CERS6: variants seen among roughly 807,000 people sequenced by gnomAD.
The protein encoded by CERS6 is LAG1 homolog, ceramide synthase 6.
In CERS6, 26 loss-of-function variants were observed where a neutral mutation model predicts 56.8. The ratio of observed to expected loss-of-function variants is 0.46; its 90% CI spans 0.34 to 0.63. The LOEUF (loss-of-function observed/expected upper bound fraction) is 0.63, where lower values mean the gene tolerates loss of function less well. Ranked by LOEUF, CERS6 falls within the 30% of genes least tolerant of loss-of-function variation. The pLI, the probability that CERS6 is intolerant of heterozygous loss-of-function variation, is 0.01. For missense variants in CERS6, 415 were observed against 467.5 expected (o/e 0.89, Z 1.04); for synonymous variants, 164 against 173.3 (o/e 0.95, Z 0.42).
chr2:168,495,400 C>G (rs1036768253), intron 1 of CERS6, among the ~76,000 whole-genome samples: 2 of 152,182 alleles, frequency 1.3e-5, no homozygotes, highest in African/African-American at 4.8e-5. Flanking sequence ...ATCAGAAAGA[C>G]TGGTCGGAGT....
intron 4 of CERS6, among the ~76,000 whole-genome samples, chr2:168,645,063 C>G (rs1685142388): frequency 7.7e-6 from 1 of 129,238 alleles, no homozygotes; most frequent in Admixed American, 8.6e-5. Flanking sequence ...TGCACTCCAG[C>G]CTGGGTGACA....
At chr2:168,658,843 A>AG (rs34648337) in intron 4 of CERS6, among the ~76,000 whole-genome samples, 115,830 of 152,150 alleles carry the variant, frequency 0.76, 44,624 homozygotes, top group African/African-American at 0.85. Flanking sequence ...GCTATTAAAC[A>AG]GGTGTCCCAG....
intron 3 of CERS6, among the ~76,000 whole-genome samples, chr2:168,567,463 A>G (rs956285666): frequency 5.9e-5 from 9 of 152,236 alleles, no homozygotes; most frequent in African/African-American, 2.2e-4. Context: ...GCAAATGTGC[A>G]TGGCTGTGTT....
At chr2:168,569,793 G>C (rs773503969) in intron 3 of CERS6, among the ~76,000 whole-genome samples, 1 of 152,188 alleles carries the variant, frequency 6.6e-6, no homozygotes, top group Non-Finnish European at 1.5e-5. Flanking sequence ...AACCTCTCGG[G>C]TATTTGGGAG....
chr2:168,679,226 TG>T (rs1463246322), intron 4 of CERS6, among the ~76,000 whole-genome samples: 2 of 152,074 alleles, frequency 1.3e-5, no homozygotes, highest in African/African-American at 4.8e-5. Context: ...TACAGTTAGA[TG>T]GGGGGAATAA....
intron 3 of CERS6, among the ~76,000 whole-genome samples, chr2:168,617,565 A>G (rs528432519): frequency 4.6e-5 from 7 of 152,192 alleles, no homozygotes; most frequent in Non-Finnish European, 8.8e-5. Context: ...AACTGACACT[A>G]CAGAAATACA....
At chr2:168,696,422 TTCTA>T (rs1686649053) in intron 6 of CERS6, among the ~76,000 whole-genome samples, 2 of 152,214 alleles carry the variant, frequency 1.3e-5, no homozygotes, top group South Asian at 2.1e-4. Flanking sequence ...TAAACAGTCT[TTCTA>T]TCTAAGTAGT....
intron 3 of CERS6, among the ~76,000 whole-genome samples, chr2:168,568,107 A>G (rs959150289): frequency 2.0e-5 from 3 of 152,230 alleles, no homozygotes; most frequent in African/African-American, 7.2e-5. Flanking sequence ...TAATTAAGGA[A>G]AAGAGATTTT....
At chr2:168,574,847 A>ATAAT (rs1683218513) in intron 3 of CERS6, among the ~76,000 whole-genome samples, 1 of 152,236 alleles carries the variant, frequency 6.6e-6, no homozygotes, top group Non-Finnish European at 1.5e-5. Flanking sequence ...GTTTGAAGGT[A>ATAAT]TAATTATTTG....
chr2:168,706,980 A>G (rs902967633), intron 6 of CERS6, among the ~76,000 whole-genome samples: 1 of 152,248 alleles, frequency 6.6e-6, no homozygotes, highest in Non-Finnish European at 1.5e-5. Context: ...CTGTATTCCA[A>G]TAAAACTTTA....
In CERS6 at chr2:168,573,166, C is replaced by T. The variant is rs533899079; in HGVS notation, c.407+11844C>T. 5.9e-5 allele frequency among the ~76,000 whole-genome samples: 9 copies of T among 152,244 alleles called. No individual in the cohort carries two copies. In the South Asian group the frequency reaches 1.0e-3, roughly 18 times the overall value. On this transcript the variant is annotated intron_variant, in intron 3 of 9. Coordinates refer to ENST00000305747, the MANE Select transcript of CERS6 (RefSeq NM_203463.3). ...AAAAGAACATACTCATGTACCCAGA[C>T]ACCACCTGTACCCCAGTAACCTATG...
At chr2:168,706,776 T>C (rs969959473) in intron 6 of CERS6, among the ~76,000 whole-genome samples, 3 of 152,240 alleles carry the variant, frequency 2.0e-5, no homozygotes, top group Non-Finnish European at 4.4e-5. Flanking sequence ...TCTTAGATAA[T>C]ATGACTTTTC....
chr2:168,463,766 A>G (rs1157211787), intron 1 of CERS6, among the ~76,000 whole-genome samples: 2 of 151,950 alleles, frequency 1.3e-5, no homozygotes, highest in Non-Finnish European at 2.9e-5. Flanking sequence ...AAAATTAACT[A>G]GGTGTGGTGT....
At chr2:168,555,753 TGTG>T (rs1695666136) in intron 2 of CERS6, among the ~76,000 whole-genome samples, 1 of 151,610 alleles carries the variant, frequency 6.6e-6, no homozygotes, top group Non-Finnish European at 1.5e-5. Context: ...TGTGTGTGTG[TGTG>T]TGTGTGTGTA....
At chr2:168,626,886 A>G (rs1056028925) in intron 3 of CERS6, among the ~76,000 whole-genome samples, 1 of 152,018 alleles carries the variant, frequency 6.6e-6, no homozygotes, top group Non-Finnish European at 1.5e-5. Flanking sequence ...CTAAGCCAAC[A>G]TTCCTCCCCT....
intron 5 of CERS6, among the ~76,000 whole-genome samples, chr2:168,693,338 G>A (rs908719521): frequency 1.3e-5 from 2 of 152,092 alleles, no homozygotes; most frequent in Non-Finnish European, 2.9e-5. Context: ...CAACTGCAAA[G>A]CACTCGTCGG....
intron 1 of CERS6, among the ~76,000 whole-genome samples, chr2:168,503,857 A>G (rs1694629565): frequency 6.6e-6 from 1 of 152,236 alleles, no homozygotes; most frequent in South Asian, 2.1e-4. Context: ...AAGTTGTGCC[A>G]TCAAAGACAA....
At chr2:168,562,279 G>T (rs1294024874) in intron 3 of CERS6, among the ~76,000 whole-genome samples, 2 of 152,166 alleles carry the variant, frequency 1.3e-5, no homozygotes, top group Non-Finnish European at 2.9e-5. Flanking sequence ...CTCCACACCT[G>T]TGGGTATTTC....
chr2:168,708,528 A>C (rs1687013478), intron 6 of CERS6, among the ~76,000 whole-genome samples: 1 of 152,148 alleles, frequency 6.6e-6, no homozygotes, highest in Non-Finnish European at 1.5e-5. Context: ...ATCAGCTTTA[A>C]GCTATGCTGC....
Sources: gnomAD v4.1 joint callset for allele counts (sites outside exome capture counted in the v4.1 genomes callset) on GRCh38, gnomAD v4.1.1 for gene constraint, MANE v1.5 for transcripts, NCBI Gene and HGNC (gene_info 2026-07-23, HGNC 2026-07-21) for gene names.